ARID1B: variants seen among roughly 807,000 people sequenced by gnomAD.
ARID1B encodes the protein AT-rich interaction domain 1B.
In ARID1B, 30 loss-of-function variants were observed where a neutral mutation model predicts 212.3. The observed-to-expected ratio is 0.14, with a 90% CI of 0.11 to 0.19. The LOEUF is 0.19. Among genes scored for constraint, ARID1B ranks in the 10% least tolerant of loss-of-function variants. The pLI, the probability that ARID1B is intolerant of heterozygous loss-of-function variation, is 1.00. For synonymous variants in ARID1B, 1,402 were observed against 1,301.7 expected (o/e 1.08, Z -1.66); for missense variants, 2,891 against 3,204.0 (o/e 0.90, Z 2.36).
intron 1 of ARID1B, among the ~76,000 whole-genome samples, chr6:156,786,467 C>A (rs1055766784): frequency 2.0e-5 from 3 of 152,156 alleles, no homozygotes; most frequent in African/African-American, 7.2e-5. Context: ...TGCCTAGTCT[C>A]ATGAACAGGC....
intron 1 of ARID1B, among the ~76,000 whole-genome samples, chr6:156,809,505 G>A (rs909219760): frequency 2.6e-5 from 4 of 152,090 alleles, no homozygotes; most frequent in African/African-American, 9.7e-5. Context: ...TTAGTTGGAA[G>A]CAACTTAGTA....
intron 1 of ARID1B, among the ~76,000 whole-genome samples, chr6:156,822,420 C>T (rs367563128): frequency 1.1e-4 from 17 of 152,282 alleles, no homozygotes; most frequent in African/African-American, 3.4e-4. Flanking sequence ...ACTGTGGACC[C>T]GAGTTGGGAG....
chr6:157,115,742 T>C (rs1177845222), intron 6 of ARID1B, among the ~76,000 whole-genome samples: 1 of 152,200 alleles, frequency 6.6e-6, no homozygotes, highest in Non-Finnish European at 1.5e-5. Context: ...TCTTTTTAAC[T>C]AAATAAAGAA....
chr6:156,967,612 T>C (rs985362248), intron 4 of ARID1B, among the ~76,000 whole-genome samples: 1 of 152,242 alleles, frequency 6.6e-6, no homozygotes, highest in Non-Finnish European at 1.5e-5. Flanking sequence ...ATTTGCCCTA[T>C]ATATTCAATT....
intron 2 of ARID1B, among the ~76,000 whole-genome samples, chr6:156,848,647 T>G (rs1434874712): frequency 6.6e-6 from 1 of 152,218 alleles, no homozygotes; most frequent in Non-Finnish European, 1.5e-5. Flanking sequence ...GTGCCCTGGA[T>G]TTGGCCTGAT....
At chr6:156,847,812 CTG>C (rs1044415366) in intron 2 of ARID1B, among the ~76,000 whole-genome samples, 2 of 152,168 alleles carry the variant, frequency 1.3e-5, no homozygotes, top group African/African-American at 4.8e-5. Flanking sequence ...AAATTTCTGA[CTG>C]TAGACCCGGC....
At chr6:156,848,630 A>G (rs1273693995) in intron 2 of ARID1B, among the ~76,000 whole-genome samples, 1 of 152,150 alleles carries the variant, frequency 6.6e-6, no homozygotes, top group Non-Finnish European at 1.5e-5. Context: ...TTCTCTGTGC[A>G]TTTTTGGTGC....
rs1042663155 is a variant in ARID1B at position 156,820,487 on chromosome 6, T to C, written c.1792-8740T>C. Among the ~76,000 whole-genome samples, 3 of 152,240 alleles carry C rather than the reference T, an allele frequency of 2.0e-5. No individual in the cohort carries two copies. The East Asian group carries it at 5.8e-4, about 29-fold the overall frequency. The stretch of plus-strand genomic sequence containing the variant: ...CAGGAAAATATGTAGATTAAATTAT[T>C]GAGTGGTTTAGCTCTGCCTTCAATT... On this transcript the variant is annotated intron_variant, in intron 1 of 19. Coordinates refer to ENST00000636930, the MANE Select transcript of ARID1B (RefSeq NM_001374828.1).
At chr6:156,893,717 A>G (rs988264326) in intron 2 of ARID1B, among the ~76,000 whole-genome samples, 21 of 152,232 alleles carry the variant, frequency 1.4e-4, no homozygotes, top group Admixed American at 1.1e-3. Context: ...CAAATTTCAC[A>G]ATGAGTATGT....
chr6:156,857,952 A>G (rs1286903313), intron 2 of ARID1B, among the ~76,000 whole-genome samples: 1 of 152,260 alleles, frequency 6.6e-6, no homozygotes, highest in Admixed American at 6.5e-5. Flanking sequence ...AAACATAGAA[A>G]AGATACAGTA....
chr6:157,004,987 A>C (rs1342462668), intron 4 of ARID1B, among the ~76,000 whole-genome samples: 36 of 130,000 alleles, frequency 2.8e-4, no homozygotes, highest in African/African-American at 1.1e-3. Context: ...ATCCCGACTC[A>C]CTGCAACCTC....
intron 4 of ARID1B, among the ~76,000 whole-genome samples, chr6:157,079,490 T>A (rs1022737130): frequency 3.3e-5 from 5 of 152,136 alleles, no homozygotes; most frequent in African/African-American, 1.2e-4. Context: ...TGACCAAAAA[T>A]GATAGTTGTG....
rs141128635 is a variant in ARID1B, at chr6:157,050,492, G to A, written c.2248-34170G>A. 4.4e-3 allele frequency among the ~76,000 whole-genome samples: 675 copies of A among 152,090 alleles called. 4 individuals carry two copies. Among genetic ancestry groups the A allele is most frequent in the African/African-American group, 0.015 (642 of 41,492 alleles). On this transcript the variant is annotated intron_variant, in intron 4 of 19. Coordinates refer to ENST00000636930, the MANE Select transcript of ARID1B (RefSeq NM_001374828.1). ...CCAGGAGGCGGGGGTTGCAGTGAGCGGAGATCACACCACTGCACTCCAGCC... is the reference window on the plus strand; with the variant it reads ...CCAGGAGGCGGGGGTTGCAGTGAGCAGAGATCACACCACTGCACTCCAGCC...
intron 13 of ARID1B, chr6:157,186,201 A>G (rs1792961656): frequency 3.0e-6 from 1 of 329,222 alleles, no homozygotes; most frequent in Admixed American, 4.1e-5. Flanking sequence ...GCTGAGGCGT[A>G]TAGATCCTTC....
chr6:157,189,941 G>C (rs1448741223), intron 14 of ARID1B, 97 bp from the exon 15 acceptor site: 5 of 1,576,382 alleles, frequency 3.2e-6, no homozygotes, highest in Non-Finnish European at 4.3e-6. Context: ...AATGGTTTTT[G>C]CATTTGCACA....
chr6:156,966,050 T>A (rs1333184302), intron 4 of ARID1B, among the ~76,000 whole-genome samples: 1 of 152,236 alleles, frequency 6.6e-6, no homozygotes, highest in Non-Finnish European at 1.5e-5. Flanking sequence ...CATAGAGAGC[T>A]AAGATATGTA....
intron 4 of ARID1B, among the ~76,000 whole-genome samples, chr6:157,018,662 G>T (rs1419443421): frequency 3.3e-5 from 5 of 152,156 alleles, no homozygotes; most frequent in African/African-American, 1.2e-4. Flanking sequence ...AGAATTTCTG[G>T]TTTCCAGCAC....
chr6:156,893,320 C>T (rs1232048607), intron 2 of ARID1B, among the ~76,000 whole-genome samples: 3 of 152,150 alleles, frequency 2.0e-5, no homozygotes, highest in Non-Finnish European at 4.4e-5. Context: ...GCCACTGTAC[C>T]TGGCTATAAA....
At chr6:157,042,857 T>C (rs1781980104) in intron 4 of ARID1B, among the ~76,000 whole-genome samples, 1 of 151,942 alleles carries the variant, frequency 6.6e-6, no homozygotes, top group Non-Finnish European at 1.5e-5. Context: ...GATGGGTTTT[T>C]ACCATGTTGG....
Sources: gnomAD v4.1 joint callset for allele counts (sites outside exome capture counted in the v4.1 genomes callset) on GRCh38, gnomAD v4.1.1 for gene constraint, MANE v1.5 for transcripts, NCBI Gene and HGNC (gene_info 2026-07-23, HGNC 2026-07-21) for gene names.